The following MAST4 variants were observed in gnomAD, a reference collection of about 807,000 sequenced individuals.
The protein encoded by MAST4 is microtubule associated serine/threonine kinase family member 4.
A neutral mutation model predicts 162.7 loss-of-function variants in MAST4; 89 were observed. The observed-to-expected ratio is 0.55, with a 90% CI of 0.46 to 0.65. The LOEUF (loss-of-function observed/expected upper bound fraction) is 0.65. Ranked by LOEUF, MAST4 falls within the 30% of genes least tolerant of loss-of-function variation. The pLI is 0.00. For missense variants in MAST4, 3,153 were observed against 3,374.0 expected (o/e 0.93, Z 1.62); for synonymous variants, 1,479 against 1,361.1 (o/e 1.09, Z -1.91).
chr5:66,623,995 T>C (rs1333519103), intron 1 of MAST4, among the ~76,000 whole-genome samples: 1 of 152,090 alleles, frequency 6.6e-6, no homozygotes, highest in African/African-American at 2.4e-5. Flanking sequence ...ATTAAGAGAA[T>C]CTCATTTACA....
At chr5:66,901,563 A>G (rs118031967) in intron 4 of MAST4, among the ~76,000 whole-genome samples, 2 of 152,258 alleles carry the variant, frequency 1.3e-5, no homozygotes, top group East Asian at 3.9e-4. Flanking sequence ...TTTGGAGCCT[A>G]TCCTTTGGAA....
At chr5:66,971,376 C>A (rs1037066122) in intron 4 of MAST4, among the ~76,000 whole-genome samples, 1 of 152,224 alleles carries the variant, frequency 6.6e-6, no homozygotes, top group Admixed American at 6.5e-5. Flanking sequence ...GTTCCCTCAG[C>A]CTGGGCCAGC....
rs551104631 is a variant in MAST4, at chr5:67,093,337, G to T, written c.834-2260G>T. 2.6e-5 allele frequency among the ~76,000 whole-genome samples: 4 copies of T among 152,228 alleles called. No individual in the cohort carries two copies. The South Asian group carries it at 6.2e-4, about 24-fold the overall frequency. On this transcript the variant is annotated intron_variant, in intron 6 of 28. Coordinates refer to ENST00000403625, the MANE Select transcript of MAST4 (RefSeq NM_001164664.2). ...TAGTCTTGTCTTCCTATAACATTTTGTTGGTAACTACTGCAAAGAAAAGAC... is the reference window on the plus strand; with the variant it reads ...TAGTCTTGTCTTCCTATAACATTTTTTTGGTAACTACTGCAAAGAAAAGAC...
chr5:66,805,850 A>G (rs1054823852), intron 3 of MAST4, among the ~76,000 whole-genome samples: 3 of 152,204 alleles, frequency 2.0e-5, no homozygotes, highest in African/African-American at 7.2e-5. Flanking sequence ...TGTGAGGTCC[A>G]GATCTTCTTT....
intron 3 of MAST4, among the ~76,000 whole-genome samples, chr5:66,834,324 C>T (rs956524569): frequency 7.2e-5 from 11 of 152,266 alleles, no homozygotes; most frequent in South Asian, 2.1e-4. Context: ...GACGCGAAGA[C>T]GTGAGACAGG....
chr5:66,879,278 CA>C (rs34519699), intron 3 of MAST4, among the ~76,000 whole-genome samples: 136,900 of 150,536 alleles, frequency 0.91, 62,322 homozygotes, highest in African/African-American at 0.92. Context: ...GACTCCGTCT[CA>C]AAAAAAAAGT....
chr5:66,864,417 C>T (rs910366489), intron 3 of MAST4, among the ~76,000 whole-genome samples: 13 of 152,000 alleles, frequency 8.6e-5, no homozygotes, highest in Non-Finnish European at 1.8e-4. Flanking sequence ...GAGCCGGGAG[C>T]GGGCGAGCCA....
chr5:67,109,835 A>C (rs1766019758), intron 10 of MAST4, among the ~76,000 whole-genome samples: 1 of 152,184 alleles, frequency 6.6e-6, no homozygotes, highest in South Asian at 2.1e-4. Context: ...GGTTCACATC[A>C]AGCGCCCTTT....
At chr5:66,923,512 A>T (rs1005990083) in intron 4 of MAST4, among the ~76,000 whole-genome samples, 1 of 152,316 alleles carries the variant, frequency 6.6e-6, no homozygotes, top group East Asian at 1.9e-4. Flanking sequence ...TGGTGAGGGA[A>T]GTGCTTTCTG....
At chr5:66,839,484 A>C (rs1758264935) in intron 3 of MAST4, among the ~76,000 whole-genome samples, 1 of 152,184 alleles carries the variant, frequency 6.6e-6, no homozygotes. Context: ...GTGTATTTTA[A>C]CACTTATTTT....
intron 1 of MAST4, among the ~76,000 whole-genome samples, chr5:66,629,060 C>T (rs1183144174): frequency 6.6e-6 from 1 of 152,194 alleles, no homozygotes; most frequent in Non-Finnish European, 1.5e-5. Flanking sequence ...ATGTTGTCCA[C>T]TTCATGATAT....
At chr5:66,927,462 A>T (rs1764984711) in intron 4 of MAST4, among the ~76,000 whole-genome samples, 1 of 152,208 alleles carries the variant, frequency 6.6e-6, no homozygotes, top group Non-Finnish European at 1.5e-5. Context: ...TTTCTTGCTC[A>T]TAGTAGTATA....
chr5:66,616,737 G>C (rs3857272), intron 1 of MAST4, among the ~76,000 whole-genome samples: 146,511 of 152,344 alleles, frequency 0.96, 70,663 homozygotes, highest in African/African-American at 0.99. Flanking sequence ...ACACTGCACA[G>C]TCTATCTTCT....
chr5:66,825,334 T>C (rs1399518276), intron 3 of MAST4, among the ~76,000 whole-genome samples: 1 of 107,892 alleles, frequency 9.3e-6, no homozygotes, highest in African/African-American at 3.5e-5. Flanking sequence ...CTACACAGAG[T>C]CAGGATCATC....
chr5:66,956,067 C>A (rs1745281572), intron 4 of MAST4, among the ~76,000 whole-genome samples: 1 of 151,204 alleles, frequency 6.6e-6, no homozygotes, highest in Non-Finnish European at 1.5e-5. Context: ...AAGTAATCCT[C>A]CCACCTCAGC....
intron 3 of MAST4, among the ~76,000 whole-genome samples, chr5:66,848,295 T>C (rs961962675): frequency 1.3e-5 from 2 of 152,192 alleles, no homozygotes; most frequent in African/African-American, 4.8e-5. Flanking sequence ...GTAAATAATT[T>C]GTTTATGATG....
At chr5:66,597,729 C>T (rs546237952) in intron 1 of MAST4, among the ~76,000 whole-genome samples, 62 of 152,310 alleles carry the variant, frequency 4.1e-4, no homozygotes, top group African/African-American at 1.5e-3. Flanking sequence ...GGATCTGTAT[C>T]TGCCCAGTTT....
chr5:66,944,811 G>T (rs1244784108), intron 4 of MAST4, among the ~76,000 whole-genome samples: 1 of 152,094 alleles, frequency 6.6e-6, no homozygotes, highest in Non-Finnish European at 1.5e-5. Flanking sequence ...TCATTTCCTT[G>T]CGAGAGTAGA....
At chr5:66,982,359 A>G (rs974832849) in intron 4 of MAST4, among the ~76,000 whole-genome samples, 6 of 152,226 alleles carry the variant, frequency 3.9e-5, no homozygotes, top group African/African-American at 1.4e-4. Flanking sequence ...CTCACTTGGC[A>G]TGGAGGGTCA....
Sources: allele counts gnomAD v4.1 joint callset (sites outside exome capture counted in the v4.1 genomes callset), GRCh38; gene constraint gnomAD v4.1.1; transcripts MANE v1.5; gene names NCBI Gene and HGNC (gene_info 2026-07-23, HGNC 2026-07-21).